The following GAD1 variants were observed in gnomAD, a reference collection of about 807,000 sequenced individuals.
The protein encoded by GAD1 is 67 kDa glutamic acid decarboxylase.
Under a neutral mutation model 75.2 loss-of-function variants are expected in GAD1, and 35 were observed. That is an observed-to-expected ratio of 0.47 (90% confidence interval 0.36 to 0.62). GAD1 has a LOEUF of 0.62. Among genes scored for constraint, GAD1 ranks in the 20% least tolerant of loss-of-function variants. The pLI is 0.00. For synonymous variants in GAD1, 257 were observed against 271.9 expected, an observed-to-expected ratio of 0.95 and a Z score of 0.54; for missense variants, 490 against 758.5, an observed-to-expected ratio of 0.65 and a Z score of 4.16.
At chr2:170,852,847 A>G (rs1174675235) in intron 13 of GAD1, 55 bp downstream of exon 13, 1 of 1,492,920 alleles carries the variant, frequency 6.7e-7, no homozygotes, top group Non-Finnish European at 9.3e-7. Flanking sequence ...AGAAAGCACA[A>G]AAAGACACAC....
In GAD1 at chr2:170,817,026, C is replaced by T; in HGVS notation, c.-86C>T. 1 of 176,060 alleles carries T rather than the reference C, an allele frequency of 5.7e-6. No homozygotes were observed. The highest frequency in any genetic ancestry group is 1.2e-5 in the Non-Finnish European group (1 of 83,124). 10.9% of individuals were successfully genotyped at this position (176,060 alleles called of 1,614,324 possible). ...TGTGCAGAGGAAAGGCGGGAGTGCCCGGCTCGCTGTCGCAGAGCCGAGGTG... is the reference window on the plus strand; with the variant it reads ...TGTGCAGAGGAAAGGCGGGAGTGCCTGGCTCGCTGTCGCAGAGCCGAGGTG... On this transcript the variant is annotated 5_prime_UTR_variant, in exon 1 of 17. Coordinates refer to ENST00000358196, the MANE Select transcript of GAD1 (RefSeq NM_000817.3).
In GAD1 at chr2:170,845,547, T is replaced by C. The variant is rs1295462042; in HGVS notation, c.793T>C (p.Tyr265His). 10 of 1,614,014 alleles carry C rather than the reference T, an allele frequency of 6.2e-6. No individual in the cohort carries two copies. The highest frequency in any genetic ancestry group is 8.5e-6 in the Non-Finnish European group (10 of 1,180,036). ...SNMYSIMAAR[Y>H]KYFPEVKTKG... Reference sequence around the variant, plus strand: ...CATGTACAGCATCATGGCTGCTCGCTACAAGTACTTCCCGGAAGTTAAGAC... The same window carrying C: ...CATGTACAGCATCATGGCTGCTCGCCACAAGTACTTCCCGGAAGTTAAGAC... The change falls in exon 8 of 17, where the codon TAC (tyrosine) becomes CAC (histidine). Residue 265 changes from tyrosine to histidine, a missense_variant. Tyr to His is a moderately conservative substitution (Grantham distance 83). This residue lies in a region of GAD1 where 324 missense variants were observed against 523.9 expected (regional missense o/e 0.62). Transcript: ENST00000358196.
At chr2:170,848,875 T>C (rs528699656) in intron 11 of GAD1, 41 of 490,686 alleles carry the variant, frequency 8.4e-5, no homozygotes, top group South Asian at 6.1e-4. Flanking sequence ...TTTTGAGTTT[T>C]TCAGGAGCTG....
chr2:170,845,705 G>T lies in GAD1; in HGVS notation c.868-1G>T. The T allele has an allele frequency of 6.2e-7, 1 of 1,614,150 alleles. No individual in the cohort carries two copies. Among genetic ancestry groups the T allele is most frequent in the Non-Finnish European group, 8.5e-7 (1 of 1,179,998 alleles). ...TAACCTCGAGCCTCTGTTTGTTGCA[G>T]AGTCACTATTCCATAAAGAAAGCTG... On this transcript the variant is annotated splice_acceptor_variant, in intron 8 of 16. Coordinates refer to ENST00000358196, the MANE Select transcript of GAD1 (RefSeq NM_000817.3). LOFTEE classifies it high-confidence loss of function.
At chr2:170,837,989 T>C (rs1406823506) in intron 6 of GAD1, among the ~76,000 whole-genome samples, 1 of 152,236 alleles carries the variant, frequency 6.6e-6, no homozygotes, top group Admixed American at 6.5e-5. Context: ...TAGTGACCCA[T>C]ATGTATTCTA....
rs45619837 is a variant in GAD1, at chr2:170,830,839, C to A, written c.305-111C>A. The A allele has an allele frequency of 1.9e-3, 2,645 of 1,377,574 alleles. 39 individuals carry two copies. The African/African-American group carries it at 0.033, about 17-fold the overall frequency. 85.3% of individuals were successfully genotyped at this position (1,377,574 alleles called of 1,614,324 possible). A position where few individuals can be genotyped will look rare whatever the true frequency, so the allele number is the denominator to read the frequency against. ...CGATTCTCAGTGCACATACATATCC[C>A]AGAATGAAATCAGGCCTATACAGAT... On this transcript the variant is annotated intron_variant, in intron 4 of 16. Coordinates refer to ENST00000358196, the MANE Select transcript of GAD1 (RefSeq NM_000817.3).
rs1559271579 is a variant in GAD1 at position 170,828,088 on chromosome 2, C to CCCTCCTCCCTCTGCTGTCCTCA, written c.146-1385_146-1384insTCCTCCCTCTGCTGTCCTCACC. On this transcript the variant is annotated intron_variant, in intron 3 of 16. Transcript: ENST00000358196. ...TGCTGTCCTCCCTCTGCTGTCCTCA[C>CCCTCCTCCCTCTGCTGTCCTCA]CCCTCCTCCTTCTGCTGTCCTCCCT... 6.0e-3 allele frequency among the ~76,000 whole-genome samples: 54 copies of CCCTCCTCCCTCTGCTGTCCTCA among 9,070 alleles called. 8 individuals are homozygous for CCCTCCTCCCTCTGCTGTCCTCA. Among genetic ancestry groups the CCCTCCTCCCTCTGCTGTCCTCA allele is most frequent in the East Asian group, 0.02 (18 of 912 alleles). 6.0% of individuals were successfully genotyped at this position (9,070 alleles called of 152,430 possible).
chr2:170,837,296 T>C (rs750952797), intron 6 of GAD1, among the ~76,000 whole-genome samples: 5 of 152,350 alleles, frequency 3.3e-5, no homozygotes, highest in South Asian at 2.1e-4. Context: ...ACAAACCAAT[T>C]TGATCAACCT....
chr2:170,826,682 A>C (rs78300757), intron 3 of GAD1, among the ~76,000 whole-genome samples: 1 of 151,936 alleles, frequency 6.6e-6, no homozygotes, highest in Non-Finnish European at 1.5e-5. Context: ...GCAGCTGCCC[A>C]GAGGGAAGGG....
intron 4 of GAD1, among the ~76,000 whole-genome samples, chr2:170,830,074 A>T (rs745412570): frequency 6.6e-6 from 1 of 152,162 alleles, no homozygotes; most frequent in South Asian, 2.1e-4. Context: ...GAGATGTTTT[A>T]CTAACCCCTG....
intron 6 of GAD1, chr2:170,843,764 G>T: frequency 2.4e-6 from 1 of 423,550 alleles, no homozygotes; most frequent in South Asian, 2.4e-5. Flanking sequence ...TATTCCTCTG[G>T]GTGGACCATG....
intron 3 of GAD1, among the ~76,000 whole-genome samples, chr2:170,828,071 T>C: frequency 3.2e-5 from 1 of 30,922 alleles, no homozygotes; most frequent in South Asian, 1.1e-3. Flanking sequence ...TCTGCTGTCC[T>C]CCCTCTGCTG....
chr2:170,814,380 T>A (rs1382047604), upstream of GAD1, among the ~76,000 whole-genome samples: 2 of 152,202 alleles, frequency 1.3e-5, no homozygotes, highest in African/African-American at 4.8e-5. Context: ...TGCTGAAAGA[T>A]CTATGCCCTA....
At chr2:170,856,154 C>A (rs1375185291) in intron 14 of GAD1, among the ~76,000 whole-genome samples, 1 of 152,206 alleles carries the variant, frequency 6.6e-6, no homozygotes, top group Non-Finnish European at 1.5e-5. Context: ...CTGGACTTTG[C>A]TCAGGCCCAT....
At chr2:170,819,927 C>A (rs948616917) in intron 2 of GAD1, among the ~76,000 whole-genome samples, 3 of 151,062 alleles carry the variant, frequency 2.0e-5, no homozygotes, top group Admixed American at 1.3e-4. Context: ...CCTCAGGTCT[C>A]ATTCCAATTT....
In GAD1 at chr2:170,818,799, G is replaced by A. The variant is rs1701782701; in HGVS notation, c.82+126G>A. 4.3e-6 allele frequency: 4 copies of A among 930,368 alleles called. No individual in the cohort carries two copies. The highest frequency in any genetic ancestry group is 3.8e-5 in the Admixed American group (2 of 52,492). 57.6% of individuals were successfully genotyped at this position (930,368 alleles called of 1,614,324 possible). On this transcript the variant is annotated intron_variant, in intron 2 of 16. Coordinates refer to ENST00000358196, the MANE Select transcript of GAD1 (RefSeq NM_000817.3). The surrounding 1 kb of genome is among the most constrained non-coding windows in gnomAD (Gnocchi z 5.9). Reference sequence around the variant, plus strand: ...AGATAATGGAGGCTGGGAAATAAATGGGGCTCTGACCCCGTCCCTGCCAGA... The same window carrying A: ...AGATAATGGAGGCTGGGAAATAAATAGGGCTCTGACCCCGTCCCTGCCAGA...
intron 6 of GAD1, chr2:170,842,560 C>T: frequency 1.2e-6 from 2 of 1,613,586 alleles, no homozygotes; most frequent in Non-Finnish European, 8.5e-7. Flanking sequence ...CTTCTTCTTC[C>T]TTTATCAGGC....
chr2:170,848,647 A>ATTTTTTTTTTTTTTTTTTTTTTTTTT, intron 11 of GAD1: 1 of 461,024 alleles, frequency 2.2e-6, no homozygotes. Context: ...GACTGGGTGT[A>ATTTTTTTTTTTTTTTTTTTTTTTTTT]TTTTTTTTTT....
At chr2:170,852,669 T>C (rs1037223879) in intron 12 of GAD1, 45 bp from the exon 13 acceptor site, 2 of 1,551,156 alleles carry the variant, frequency 1.3e-6, no homozygotes, top group Non-Finnish European at 1.8e-6. Context: ...CAGTTGCGTC[T>C]TTCCAACTCC....
Sources: gnomAD v4.1 joint callset for allele counts (sites outside exome capture counted in the v4.1 genomes callset) on GRCh38, gnomAD v4.1.1 for gene constraint, gnomAD v4.1.1 regional missense constraint, Gnocchi (gnomAD v3.1) non-coding constraint, MANE v1.5 for transcripts, NCBI Gene and HGNC (gene_info 2026-07-23, HGNC 2026-07-21) for gene names.